Variants in PTPRT observed in about 807,000 individuals in gnomAD.
The protein encoded by PTPRT is receptor-type tyrosine-protein phosphatase T.
PTPRT carries 56 observed loss-of-function variants against 176.8 expected under a neutral mutation model. The ratio of observed to expected loss-of-function variants is 0.32; its 90% CI spans 0.26 to 0.40. The LOEUF (loss-of-function observed/expected upper bound fraction) is 0.40, where lower values mean the gene tolerates loss of function less well. Ranked by LOEUF, PTPRT falls within the 10% of genes least tolerant of loss-of-function variation. The probability of loss-of-function intolerance (pLI) is 1.00; values close to 1 mark genes in which losing one functional copy is unlikely to be tolerated. For missense variants in PTPRT, 1,540 were observed against 1,908.2 expected (o/e 0.81, Z 3.60); for synonymous variants, 783 against 739.0 (o/e 1.06, Z -0.96).
rs1224458491 is a variant in PTPRT, at chr20:42,942,687, C to T, written c.89-56755G>A. Among the ~76,000 whole-genome samples the T allele has an allele frequency of 2.6e-5, 4 of 152,188 alleles. No individual in the cohort carries two copies. In the South Asian group the frequency reaches 8.3e-4, roughly 32 times the overall value. Reference sequence around the variant, plus strand: ...GGTTTACACAGGCTAAGTTCAAACCCTATCTTCACTAACTGTGGCTAAATG... The same window carrying T: ...GGTTTACACAGGCTAAGTTCAAACCTTATCTTCACTAACTGTGGCTAAATG... On this transcript the variant is annotated intron_variant, in intron 1 of 30. Coordinates refer to ENST00000373187, the MANE Select transcript of PTPRT (RefSeq NM_007050.6).
intron 1 of PTPRT, among the ~76,000 whole-genome samples, chr20:43,099,151 G>A (rs2012288995): frequency 9.4e-6 from 1 of 106,740 alleles, no homozygotes; most frequent in African/African-American, 4.1e-5. Context: ...TAATAATAAT[G>A]TATTTTATAT....
chr20:42,082,340 G>T (rs918741414), intron 29 of PTPRT, among the ~76,000 whole-genome samples: 2 of 152,240 alleles, frequency 1.3e-5, no homozygotes, highest in South Asian at 4.1e-4. Flanking sequence ...AGTCACTCAG[G>T]GCACACTCAC....
At chr20:43,055,036 T>C (rs970081158) in intron 1 of PTPRT, among the ~76,000 whole-genome samples, 3 of 152,222 alleles carry the variant, frequency 2.0e-5, no homozygotes, top group African/African-American at 7.2e-5. Flanking sequence ...TCCTGATTTC[T>C]AAAATCTCCC....
rs1600843335 is a variant in PTPRT at position 42,329,523 on chromosome 20, A to ACG, written c.1866-13528_1866-13527insCG. 2.0e-5 allele frequency among the ~76,000 whole-genome samples: 3 copies of ACG among 151,840 alleles called. No individual in the cohort carries two copies. In the East Asian group the frequency reaches 5.8e-4, roughly 29 times the overall value. Reference sequence around the variant, plus strand: ...CACACATACACACACACACACACACACAGGCAACATCACCGTTCAGTAAGA... The same window carrying ACG: ...CACACATACACACACACACACACACACGCAGGCAACATCACCGTTCAGTAAGA... On this transcript the variant is annotated intron_variant, in intron 11 of 30. Transcript: ENST00000373187.
chr20:42,313,171 T>C (rs576869271), intron 12 of PTPRT, among the ~76,000 whole-genome samples: 9 of 152,264 alleles, frequency 5.9e-5, no homozygotes, highest in African/African-American at 2.2e-4. Context: ...ACAAATGCCA[T>C]GGCAATGTCA....
At position 42,099,377 on chromosome 20, in the gene PTPRT, G is replaced by A. The variant is rs184858465; in HGVS notation, c.3715-825C>T. Among the ~76,000 whole-genome samples the A allele has an allele frequency of 7.9e-5, 12 of 152,200 alleles. No homozygotes were observed. In the East Asian group the frequency reaches 1.4e-3, roughly 17 times the overall value. ...GTGAAAAGGCCAGCAAACAAGAGCC[G>A]GAACGTAAGCCTACTGGCAGGGCAG... is the stretch of plus-strand genomic sequence containing the variant. On this transcript the variant is annotated intron_variant, in intron 26 of 30. Transcript: ENST00000373187.
intron 7 of PTPRT, among the ~76,000 whole-genome samples, chr20:42,594,957 A>G (rs2073645220): frequency 6.6e-6 from 1 of 152,200 alleles, no homozygotes; most frequent in Non-Finnish European, 1.5e-5. Flanking sequence ...TCAGGTCTGC[A>G]AGGAAAGATC....
chr20:42,739,977 T>A (rs1184091715), intron 6 of PTPRT, among the ~76,000 whole-genome samples: 1 of 152,188 alleles, frequency 6.6e-6, no homozygotes, highest in Non-Finnish European at 1.5e-5. Context: ...GTTCACACAC[T>A]CTGGCTAAAG....
chr20:42,699,876 G>A (rs1404270535), intron 6 of PTPRT, among the ~76,000 whole-genome samples: 1 of 152,152 alleles, frequency 6.6e-6, no homozygotes, highest in African/African-American at 2.4e-5. Context: ...GACAAAAAAA[G>A]TAAGCCCACA....
chr20:42,660,345 C>T (rs1313871474), intron 7 of PTPRT, among the ~76,000 whole-genome samples: 1 of 152,112 alleles, frequency 6.6e-6, no homozygotes, highest in Non-Finnish European at 1.5e-5. Context: ...CAAGAAACTC[C>T]CATACTCTCC....
intron 27 of PTPRT, among the ~76,000 whole-genome samples, chr20:42,096,298 T>A (rs1268076316): frequency 6.6e-6 from 1 of 152,202 alleles, no homozygotes; most frequent in African/African-American, 2.4e-5. Flanking sequence ...TTTTATTTTT[T>A]TTATTTTTTA....
chr20:42,726,704 A>G (rs1054012644), intron 6 of PTPRT, among the ~76,000 whole-genome samples: 5 of 152,204 alleles, frequency 3.3e-5, no homozygotes, highest in Non-Finnish European at 4.4e-5. Context: ...TCAAGAACTC[A>G]CCACACAGTA....
intron 7 of PTPRT, among the ~76,000 whole-genome samples, chr20:42,534,389 T>C (rs981024220): frequency 6.6e-6 from 1 of 152,080 alleles, no homozygotes; most frequent in African/African-American, 2.4e-5. Context: ...ATCCCAGCAC[T>C]TTGGGAGGCC....
At chr20:42,041,157 A>G in the PTPRT span, among the ~76,000 whole-genome samples, 1 of 152,162 alleles carries the variant, frequency 6.6e-6, no homozygotes, top group South Asian at 2.1e-4. Context: ...TCTGCTGTCC[A>G]TAGATTGCTG....
chr20:42,084,892 G>A (rs56030532), intron 28 of PTPRT, 47 bp from the exon 29 acceptor site: 48,039 of 1,347,350 alleles, frequency 0.036, 1,050 homozygotes, highest in South Asian at 0.059. Context: ...GGATGCTTGC[G>A]TACATGCACC....
intron 1 of PTPRT, among the ~76,000 whole-genome samples, chr20:43,010,548 T>A (rs1007668278): frequency 1.3e-5 from 2 of 152,180 alleles, no homozygotes. Flanking sequence ...TAGGGTTGGA[T>A]GAGATATTGA....
rs181504285 is a variant in PTPRT, at chr20:43,014,597, G to T, written c.89-128665C>A. ...CATCACCAACACTGAGTTTCAGGGGGTTATTTATTTATTATGTGATAATGG... is the reference window on the plus strand; with the variant it reads ...CATCACCAACACTGAGTTTCAGGGGTTTATTTATTTATTATGTGATAATGG... On this transcript the variant is annotated intron_variant, in intron 1 of 30. Coordinates refer to ENST00000373187, the MANE Select transcript of PTPRT (RefSeq NM_007050.6). Among the ~76,000 whole-genome samples, 7 of 152,226 alleles carry T rather than the reference G, an allele frequency of 4.6e-5. No homozygotes were observed. The East Asian group carries it at 1.4e-3, about 29-fold the overall frequency.
At chr20:42,178,932 C>T (rs1437497218) in intron 16 of PTPRT, among the ~76,000 whole-genome samples, 3 of 152,192 alleles carry the variant, frequency 2.0e-5, no homozygotes, top group East Asian at 1.9e-4. Context: ...AGAGAGCACC[C>T]AAGATAAAAG....
intron 1 of PTPRT, among the ~76,000 whole-genome samples, chr20:42,979,462 C>T (rs891910610): frequency 6.6e-6 from 1 of 152,110 alleles, no homozygotes; most frequent in African/African-American, 2.4e-5. Context: ...CCCGTAAAAT[C>T]AAATACACAT....
Sources: gnomAD v4.1 joint callset for allele counts (sites outside exome capture counted in the v4.1 genomes callset) on GRCh38, gnomAD v4.1.1 for gene constraint, MANE v1.5 for transcripts, NCBI Gene and HGNC (gene_info 2026-07-23, HGNC 2026-07-21) for gene names.